The following OSBPL8 variants were observed in gnomAD, a reference collection of about 807,000 sequenced individuals.
OSBPL8 encodes the protein oxysterol-binding protein-related protein 8.
A neutral mutation model predicts 125.5 loss-of-function variants in OSBPL8; 59 were observed. The observed-to-expected ratio is 0.47, with a 90% CI of 0.38 to 0.58. The LOEUF is 0.58. Ranked by LOEUF, OSBPL8 falls within the 20% of genes least tolerant of loss-of-function variation. The pLI is 0.00. For synonymous variants in OSBPL8, 330 were observed against 338.9 expected (o/e 0.97, Z 0.29); for missense variants, 758 against 1,047.8 (o/e 0.72, Z 3.82).
chr12:76,482,244 G>T (rs572760135), intron 2 of OSBPL8, among the ~76,000 whole-genome samples: 1 of 152,118 alleles, frequency 6.6e-6, no homozygotes, highest in South Asian at 2.1e-4. Context: ...TACAATAAAA[G>T]ATTTTGCCCT....
At chr12:76,531,909 C>A (rs1243859700) in intron 1 of OSBPL8, among the ~76,000 whole-genome samples, 1 of 151,762 alleles carries the variant, frequency 6.6e-6, no homozygotes, top group South Asian at 2.1e-4. Context: ...TGGTGGTGGG[C>A]ACCTGTAGTC....
intron 1 of OSBPL8, among the ~76,000 whole-genome samples, chr12:76,497,860 G>C (rs7132264): frequency 0.01 from 1,586 of 152,308 alleles, 37 homozygotes; most frequent in African/African-American, 0.037. Context: ...AAGCAGTAGT[G>C]TGTTAGGATT....
chr12:76,541,292 A>C (rs1040204392), intron 1 of OSBPL8, among the ~76,000 whole-genome samples: 2 of 152,068 alleles, frequency 1.3e-5, no homozygotes, highest in Non-Finnish European at 2.9e-5. Flanking sequence ...CAGCCTGGCC[A>C]ATACTGTGAA....
At chr12:76,472,342 C>T (rs1473649993) in intron 2 of OSBPL8, among the ~76,000 whole-genome samples, 1 of 152,210 alleles carries the variant, frequency 6.6e-6, no homozygotes, top group Non-Finnish European at 1.5e-5. Flanking sequence ...ATTCCTTCCA[C>T]ATATTTTCTA....
intron 4 of OSBPL8, among the ~76,000 whole-genome samples, chr12:76,437,936 T>C (rs916247784): frequency 6.6e-5 from 10 of 152,208 alleles, no homozygotes; most frequent in African/African-American, 1.7e-4. Context: ...CCACTTGTTA[T>C]AGGCACACAG....
intron 1 of OSBPL8, among the ~76,000 whole-genome samples, chr12:76,507,960 C>G (rs1263161885): frequency 6.7e-6 from 1 of 148,948 alleles, no homozygotes; most frequent in African/African-American, 2.6e-5. Flanking sequence ...CACCTGAGAT[C>G]AGGAGTTTGA....
rs1953658530 is a variant in OSBPL8 at position 76,393,613 on chromosome 12, A to C, written c.758-861T>G. On this transcript the variant is annotated intron_variant, in intron 9 of 23. Coordinates refer to ENST00000261183, the MANE Select transcript of OSBPL8 (RefSeq NM_020841.5). ...GTAGTCCCAGCCACTCGGGAGACTG[A>C]GGCAGGAGAATGGCGTGAACCCGGG... 2.1e-5 allele frequency among the ~76,000 whole-genome samples: 3 copies of C among 141,584 alleles called. 1 individual carries two copies. The South Asian group carries it at 7.2e-4, about 34-fold the overall frequency. 92.9% of individuals were successfully genotyped at this position (141,584 alleles called of 152,430 possible).
chr12:76,371,619 ATTATAC>A (rs1197556025), intron 18 of OSBPL8, 35 bp from the exon 19 acceptor site: 2 of 1,502,420 alleles, frequency 1.3e-6, no homozygotes, highest in Non-Finnish European at 1.8e-6. Context: ...AATGTAAAGA[ATTATAC>A]TTAGAAGGCA....
intron 20 of OSBPL8, 123 bp downstream of exon 20, chr12:76,369,514 A>T (rs1274256273): frequency 3.8e-6 from 5 of 1,332,998 alleles, no homozygotes; most frequent in Non-Finnish European, 5.0e-6. Flanking sequence ...CAAGTTTAAA[A>T]ATCTCACACT....
At chr12:76,551,178 C>T (rs1408417837) in intron 1 of OSBPL8, among the ~76,000 whole-genome samples, 1 of 152,162 alleles carries the variant, frequency 6.6e-6, no homozygotes, top group Non-Finnish European at 1.5e-5. Context: ...CAGAAATGAA[C>T]TGCTCCCCAT....
intron 1 of OSBPL8, among the ~76,000 whole-genome samples, chr12:76,547,425 T>C (rs929349776): frequency 7.9e-5 from 12 of 151,794 alleles, no homozygotes; most frequent in South Asian, 2.1e-4. Flanking sequence ...AAACAAAAAA[T>C]ACAAAACAAT....
rs940832216 is a variant in OSBPL8, at chr12:76,451,052, A to G, written c.80-64T>C. 10 of 1,492,108 alleles carry G rather than the reference A, an allele frequency of 6.7e-6. No individual in the cohort carries two copies. The African/African-American group carries it at 1.3e-4, about 19-fold the overall frequency. The allele number at this position is 1,492,108 out of a possible 1,614,324, so 92.4% of individuals were successfully genotyped here. ...ACAGATTTACATAATAGTATAGTTA[A>G]TAACATGGAATAAGATCAAAACTGA... On this transcript the variant is annotated intron_variant, in intron 3 of 23. Coordinates refer to ENST00000261183, the MANE Select transcript of OSBPL8 (RefSeq NM_020841.5).
intron 2 of OSBPL8, among the ~76,000 whole-genome samples, chr12:76,472,964 G>C (rs985243325): frequency 1.3e-5 from 2 of 152,102 alleles, no homozygotes; most frequent in Non-Finnish European, 2.9e-5. Flanking sequence ...GGTCTGCTAA[G>C]TAGCAGGTGT....
chr12:76,437,588 C>T (rs373303443), intron 4 of OSBPL8, among the ~76,000 whole-genome samples: 13 of 152,188 alleles, frequency 8.5e-5, no homozygotes, highest in Non-Finnish European at 1.9e-4. Context: ...CTACTCCCAC[C>T]CTTGCCTGGT....
At position 76,493,555 on chromosome 12, in the gene OSBPL8, C is replaced by T. The variant is rs551334315; in HGVS notation, c.-67-5937G>A. ...CTTTAAATAAATATATTATTCTATT[C>T]TCTCTAGACCTGCAAAGTTTCTGCT... On this transcript the variant is annotated intron_variant, in intron 1 of 23. Transcript: ENST00000261183. 1.1e-4 allele frequency among the ~76,000 whole-genome samples: 16 copies of T among 152,282 alleles called. No individual in the cohort carries two copies. In the South Asian group the frequency reaches 3.3e-3, roughly 32 times the overall value.
intron 4 of OSBPL8, among the ~76,000 whole-genome samples, chr12:76,424,978 G>A (rs1351524458): frequency 2.0e-5 from 3 of 152,098 alleles, no homozygotes; most frequent in Non-Finnish European, 4.4e-5. Context: ...AATCACAACA[G>A]CAGTAATAAA....
chr12:76,513,872 G>A (rs1881265763), intron 1 of OSBPL8, among the ~76,000 whole-genome samples: 1 of 150,834 alleles, frequency 6.6e-6, no homozygotes, highest in Non-Finnish European at 1.5e-5. Context: ...ACTGGGTCTT[G>A]CTTTTTTATC....
At chr12:76,431,561 G>C (rs528889375) in intron 4 of OSBPL8, among the ~76,000 whole-genome samples, 1 of 152,142 alleles carries the variant, frequency 6.6e-6, no homozygotes, top group Non-Finnish European at 1.5e-5. Context: ...CTTTCTGAAA[G>C]GGCAGTGGTG....
intron 4 of OSBPL8, among the ~76,000 whole-genome samples, chr12:76,429,476 G>A (rs1051821257): frequency 6.6e-6 from 1 of 151,580 alleles, no homozygotes; most frequent in African/African-American, 2.4e-5. Flanking sequence ...AATGTTATAC[G>A]AAATGCTTAG....
Sources: allele counts gnomAD v4.1 joint callset (sites outside exome capture counted in the v4.1 genomes callset), GRCh38; gene constraint gnomAD v4.1.1; transcripts MANE v1.5; gene names NCBI Gene and HGNC (gene_info 2026-07-23, HGNC 2026-07-21).